CCDC178: variants seen among roughly 807,000 people sequenced by gnomAD.
The protein encoded by CCDC178 is coiled-coil domain-containing protein 178.
Under a neutral mutation model 117.4 loss-of-function variants are expected in CCDC178, and 126 were observed. The ratio of observed to expected loss-of-function variants is 1.07; its 90% CI spans 0.93 to 1.24. The LOEUF (loss-of-function observed/expected upper bound fraction) is 1.24. Ranked by LOEUF, CCDC178 falls within the 50% of genes most tolerant of loss-of-function variation. CCDC178 has a pLI of 0.00. For missense variants in CCDC178, 1,030 were observed against 986.9 expected (o/e 1.04, Z -0.59); for synonymous variants, 283 against 313.4 (o/e 0.90, Z 1.02).
chr18:33,386,010 G>A (rs2063487274), intron 5 of CCDC178, among the ~76,000 whole-genome samples: 1 of 151,980 alleles, frequency 6.6e-6, no homozygotes, highest in Non-Finnish European at 1.5e-5. Context: ...GAAACGATAA[G>A]GGGGATACCA....
intron 20 of CCDC178, among the ~76,000 whole-genome samples, chr18:33,129,073 T>C (rs545209989): frequency 2.0e-5 from 3 of 152,242 alleles, no homozygotes; most frequent in African/African-American, 7.2e-5. Context: ...CTTTCCCCCA[T>C]AACCAATAGT....
At chr18:33,422,879 T>A (rs1176863417) in intron 2 of CCDC178, among the ~76,000 whole-genome samples, 1 of 152,218 alleles carries the variant, frequency 6.6e-6, no homozygotes, top group Non-Finnish European at 1.5e-5. Flanking sequence ...GGTTCTGTTA[T>A]CCAGTTTTTA....
At chr18:33,402,358 G>C (rs2063719929) in intron 3 of CCDC178, among the ~76,000 whole-genome samples, 2 of 152,120 alleles carry the variant, frequency 1.3e-5, no homozygotes, top group African/African-American at 4.8e-5. Flanking sequence ...AAACATTTGT[G>C]GCTTCTTAAC....
At chr18:33,126,519 TG>T (rs2058006104) in intron 20 of CCDC178, among the ~76,000 whole-genome samples, 1 of 151,608 alleles carries the variant, frequency 6.6e-6, no homozygotes, top group African/African-American at 2.4e-5. Context: ...CTCAGGGGAT[TG>T]GTTCCAGGAC....
chr18:32,961,805 G>T (rs1181869943), intron 22 of CCDC178, among the ~76,000 whole-genome samples: 1 of 152,098 alleles, frequency 6.6e-6, no homozygotes, highest in Non-Finnish European at 1.5e-5. Context: ...GTGCAGCCCA[G>T]TTCCTAATAG....
intron 21 of CCDC178, among the ~76,000 whole-genome samples, chr18:33,088,956 A>C (rs2057423239): frequency 6.6e-6 from 1 of 152,130 alleles, no homozygotes; most frequent in African/African-American, 2.4e-5. Context: ...CCTCTGTAAA[A>C]TTATTTTTTA....
rs914301651 is a variant in CCDC178 at position 32,990,526 on chromosome 18, T to G, written c.2389-15845A>C. ...TGGATAAACTAATTATTTTGACAAT[T>G]GATTCTGAATGTGAAAAAAATTCAT... On this transcript the variant is annotated intron_variant, in intron 21 of 22. Coordinates refer to ENST00000383096, the MANE Select transcript of CCDC178 (RefSeq NM_001105528.4). 2.6e-5 allele frequency among the ~76,000 whole-genome samples: 4 copies of G among 152,152 alleles called. No homozygotes were observed. The East Asian group carries it at 7.7e-4, about 29-fold the overall frequency.
At chr18:33,046,132 TAAATAC>T (rs973465582) in intron 21 of CCDC178, among the ~76,000 whole-genome samples, 1 of 152,186 alleles carries the variant, frequency 6.6e-6, no homozygotes, top group African/African-American at 2.4e-5. Flanking sequence ...GAACATGAAA[TAAATAC>T]AAATACATTT....
chr18:33,400,722 C>G (rs954255295), intron 3 of CCDC178, among the ~76,000 whole-genome samples: 1 of 152,160 alleles, frequency 6.6e-6, no homozygotes, highest in Non-Finnish European at 1.5e-5. Flanking sequence ...TTCTTCGTAT[C>G]AGCAATAAGG....
In CCDC178 at chr18:33,224,864, C is replaced by T. The variant is rs1323982446; in HGVS notation, c.1729G>A (p.Ala577Thr). 1.9e-6 allele frequency: 3 copies of T among 1,585,452 alleles called. No individual in the cohort carries two copies. Among genetic ancestry groups the T allele is most frequent in the Non-Finnish European group, 2.6e-6 (3 of 1,164,762 alleles). ...KELIKNRAIC[A>T]MSLAELQEPL... ...TCCTGTAGTTCTGCCAGTGACATGG[C>T]ACATATTGCTCTATTTTTTATAAGC... The change falls in exon 17 of 23, where the codon GCC (alanine) becomes ACC (threonine). Residue 577 changes from alanine (A) to threonine (T), a missense_variant. Coordinates refer to ENST00000383096, the MANE Select transcript of CCDC178 (RefSeq NM_001105528.4).
rs1418897737 is a variant in CCDC178 at position 32,964,197 on chromosome 18, G to A, written c.2523+10350C>T. 1.4e-4 allele frequency among the ~76,000 whole-genome samples: 22 copies of A among 152,060 alleles called. No homozygotes were observed. The South Asian group carries it at 3.7e-3, about 26-fold the overall frequency. ...TTAGCTATAGTCAGCTTTAGATGAGGGTGGAATGCTGATTTACATTTAAAG... is the reference window on the plus strand; with the variant it reads ...TTAGCTATAGTCAGCTTTAGATGAGAGTGGAATGCTGATTTACATTTAAAG... On this transcript the variant is annotated intron_variant, in intron 22 of 22. Transcript: ENST00000383096.
chr18:33,261,146 C>T (rs1359152531), intron 14 of CCDC178, among the ~76,000 whole-genome samples: 1 of 151,912 alleles, frequency 6.6e-6, no homozygotes, highest in Non-Finnish European at 1.5e-5. Context: ...TGCAGTGGCA[C>T]GAGCTCGGCT....
chr18:33,398,923 TTTAA>T (rs1157623420), intron 3 of CCDC178, among the ~76,000 whole-genome samples: 3 of 152,218 alleles, frequency 2.0e-5, no homozygotes, highest in Admixed American at 6.5e-5. Context: ...AAAAAGATAC[TTTAA>T]TTAACAATAT....
chr18:33,070,577 G>A (rs1170558086), intron 21 of CCDC178, among the ~76,000 whole-genome samples: 2 of 152,110 alleles, frequency 1.3e-5, no homozygotes, highest in African/African-American at 4.8e-5. Context: ...TTACCTAGAA[G>A]GACTAGGTCC....
At chr18:33,396,671 A>G (rs1402704960) in intron 4 of CCDC178, among the ~76,000 whole-genome samples, 1 of 152,184 alleles carries the variant, frequency 6.6e-6, no homozygotes. Context: ...ACAAGCATGC[A>G]AAATTAAATT....
intron 21 of CCDC178, among the ~76,000 whole-genome samples, chr18:33,091,936 C>T (rs2057473344): frequency 6.6e-6 from 1 of 152,100 alleles, no homozygotes; most frequent in African/African-American, 2.4e-5. Flanking sequence ...ATTAAAATCC[C>T]ACCTTTTGCC....
chr18:33,390,479 T>C (rs1448608263), intron 4 of CCDC178, among the ~76,000 whole-genome samples: 1 of 152,120 alleles, frequency 6.6e-6, no homozygotes, highest in African/African-American at 2.4e-5. Context: ...TCTGTAGTTA[T>C]GCAATAATAT....
rs528464134 is a variant in CCDC178 at position 33,215,935 on chromosome 18, C to A, written c.1933-240G>T. Among the ~76,000 whole-genome samples the A allele has an allele frequency of 2.7e-3, 405 of 151,942 alleles. 2 individuals are homozygous for A. The highest frequency in any genetic ancestry group is 3.8e-3 in the Non-Finnish European group (256 of 67,912). ...ACAAAGCAAGCACCTGGTCTCTACC[C>A]AAAATTTTTTTAAATAGCCAGGTGC... On this transcript the variant is annotated intron_variant, in intron 18 of 22. Coordinates refer to ENST00000383096, the MANE Select transcript of CCDC178 (RefSeq NM_001105528.4).
In CCDC178 at chr18:33,440,652, C is replaced by G. The variant is rs1015814317; in HGVS notation, c.-143+1G>C. ...CCGAGGCACAAGCGCCCCCGACTCA[C>G]CGGCTCCGCGCGTTTCCCCGCGCGT... On this transcript the variant is annotated splice_donor_variant, in intron 1 of 22. Coordinates refer to ENST00000383096, the MANE Select transcript of CCDC178 (RefSeq NM_001105528.4). LOFTEE classifies it low-confidence loss of function (5UTR_SPLICE). 19 of 151,500 alleles carry G rather than the reference C, an allele frequency of 1.3e-4. No homozygotes were observed. Among genetic ancestry groups the G allele is most frequent in the Non-Finnish European group, 2.5e-4 (17 of 68,088 alleles). The allele number at this position is 151,500 out of a possible 1,614,324, so 9.4% of individuals were successfully genotyped here.
Sources: allele counts gnomAD v4.1 joint callset (sites outside exome capture counted in the v4.1 genomes callset), GRCh38; gene constraint gnomAD v4.1.1; transcripts MANE v1.5; gene names NCBI Gene and HGNC (gene_info 2026-07-23, HGNC 2026-07-21).